PRH1: variants seen among roughly 807,000 people sequenced by gnomAD.
PRH1 encodes the protein proline rich protein HaeIII subfamily 1.
A neutral mutation model predicts 7.9 loss-of-function variants in PRH1; 7 were observed. The observed-to-expected ratio is 0.89, with a 90% CI of 0.50 to 1.67. PRH1 has a LOEUF of 1.67. Among genes scored for constraint, PRH1 ranks in the 40% most tolerant of loss-of-function variants. The pLI, the probability that PRH1 is intolerant of heterozygous loss-of-function variation, is 0.00. For synonymous variants in PRH1, 45 were observed against 80.8 expected (o/e 0.56, Z 2.38); for missense variants, 109 against 223.6 (o/e 0.49, Z 3.27).
chr12:11,028,269 G>A (rs1176999759), intron 1 of PRH1, among the ~76,000 whole-genome samples: 2 of 152,222 alleles, frequency 1.3e-5, no homozygotes, highest in African/African-American at 4.8e-5. Flanking sequence ...AATGACAGAT[G>A]AGCAGATACA....
chr12:10,953,259 C>T (rs1424768551), intron 2 of PRH1, among the ~76,000 whole-genome samples: 1 of 151,684 alleles, frequency 6.6e-6, no homozygotes. Context: ...ACGCTAGTTC[C>T]CTCCCATGCT....
chr12:11,126,706 G>C (rs1049453396), intron 1 of PRH1, among the ~76,000 whole-genome samples: 7 of 152,072 alleles, frequency 4.6e-5, no homozygotes, highest in African/African-American at 1.7e-4. Context: ...TACAATCCTA[G>C]AGTGTAACTG....
intron 2 of PRH1, among the ~76,000 whole-genome samples, chr12:10,956,585 A>G (rs538627431): frequency 1.3e-5 from 2 of 152,272 alleles, no homozygotes; most frequent in African/African-American, 4.8e-5. Context: ...TCAGGAAGAG[A>G]AATAAATAAA....
intron 1 of PRH1, among the ~76,000 whole-genome samples, chr12:11,146,310 A>G (rs554925123): frequency 1.8e-4 from 27 of 152,172 alleles, no homozygotes; most frequent in African/African-American, 5.3e-4. Context: ...GGCCCTTAGC[A>G]TAATAAACTA....
chr12:11,077,917 T>C (rs1944351567), intron 1 of PRH1: 1 of 985,540 alleles, frequency 1.0e-6, no homozygotes, highest in Non-Finnish European at 1.6e-6. Context: ...ATTGGCAATC[T>C]TGAGCAAATA....
At chr12:10,942,461 C>T (rs918341235) in intron 2 of PRH1, among the ~76,000 whole-genome samples, 4 of 152,112 alleles carry the variant, frequency 2.6e-5, no homozygotes, top group African/African-American at 9.7e-5. Flanking sequence ...GCTGCCTCTG[C>T]TGAGTCATGC....
chr12:11,057,346 T>A (rs1234878239), intron 1 of PRH1, among the ~76,000 whole-genome samples: 13 of 152,198 alleles, frequency 8.5e-5, no homozygotes, highest in Non-Finnish European at 1.9e-4. Context: ...TTTTGTCTCA[T>A]GTCCATCCCA....
chr12:11,066,221 A>G (rs563553149), intron 1 of PRH1, among the ~76,000 whole-genome samples: 39 of 148,984 alleles, frequency 2.6e-4, no homozygotes, highest in Non-Finnish European at 4.8e-4. Flanking sequence ...TTATAGAACT[A>G]TAACTTTCGA....
At chr12:11,031,374 T>G (rs755577637) in intron 1 of PRH1, 15 of 1,598,448 alleles carry the variant, frequency 9.4e-6, no homozygotes, top group African/African-American at 5.4e-5. Flanking sequence ...AATGCTGGTG[T>G]TGTGTCCGGA....
At chr12:11,160,628 G>A (rs537007130) in intron 1 of PRH1, among the ~76,000 whole-genome samples, 14 of 151,936 alleles carry the variant, frequency 9.2e-5, no homozygotes, top group Non-Finnish European at 1.3e-4. Context: ...GCACCACCAC[G>A]CCCAGCTGAT....
At chr12:11,113,295 A>G (rs887770944) in intron 1 of PRH1, among the ~76,000 whole-genome samples, 19 of 152,168 alleles carry the variant, frequency 1.2e-4, no homozygotes, top group South Asian at 2.1e-4. Context: ...GAGGCATCAC[A>G]CTACCTGGCT....
chr12:11,147,511 T>A (rs1234576300), intron 1 of PRH1, among the ~76,000 whole-genome samples: 1 of 152,194 alleles, frequency 6.6e-6, no homozygotes, highest in Non-Finnish European at 1.5e-5. Flanking sequence ...AATTTACATA[T>A]TGTAATTTAC....
chr12:11,001,700 T>A (rs887731396), intron 1 of PRH1, among the ~76,000 whole-genome samples: 1 of 152,156 alleles, frequency 6.6e-6, no homozygotes, highest in East Asian at 1.9e-4. Flanking sequence ...TTGTTGTACA[T>A]GTGAGTTTCT....
At chr12:11,170,269 G>A (rs923546716) in intron 1 of PRH1, among the ~76,000 whole-genome samples, 8 of 152,170 alleles carry the variant, frequency 5.3e-5, no homozygotes, top group Admixed American at 5.2e-4. Flanking sequence ...AGTACAGGCC[G>A]GGCGCTGTGG....
At chr12:10,932,196 C>A (rs1748780791) in intron 2 of PRH1, 1 of 431,512 alleles carries the variant, frequency 2.3e-6, no homozygotes, top group Non-Finnish European at 4.8e-6. Flanking sequence ...CATGTCAAGT[C>A]TTGCCTATAA....
intron 2 of PRH1, among the ~76,000 whole-genome samples, chr12:10,941,585 T>C (rs3851587): frequency 3.9e-5 from 5 of 127,470 alleles, no homozygotes; most frequent in African/African-American, 1.4e-4. Flanking sequence ...ATTTATTATT[T>C]ATTATTAAAA....
chr12:11,096,937 A>G (rs1168802217), intron 1 of PRH1, among the ~76,000 whole-genome samples: 1 of 113,106 alleles, frequency 8.8e-6, no homozygotes, highest in Non-Finnish European at 2.1e-5. Flanking sequence ...AGCTGGGACT[A>G]CAGGCACCCA....
intron 1 of PRH1, among the ~76,000 whole-genome samples, chr12:11,062,831 T>C (rs1943669308): frequency 6.6e-6 from 1 of 152,146 alleles, no homozygotes; most frequent in African/African-American, 2.4e-5. Context: ...ATACACAGAA[T>C]CCAAACTGCT....
At chr12:11,110,108 T>A in intron 1 of PRH1, among the ~76,000 whole-genome samples, 1 of 151,900 alleles carries the variant, frequency 6.6e-6, no homozygotes, top group Non-Finnish European at 1.5e-5. Flanking sequence ...TGCATGAAGA[T>A]GAGATTAGAG....
Sources: allele counts gnomAD v4.1 joint callset (sites outside exome capture counted in the v4.1 genomes callset), GRCh38; gene constraint gnomAD v4.1.1; transcripts MANE v1.5; gene names NCBI Gene and HGNC (gene_info 2026-07-23, HGNC 2026-07-21).